The following KCNN2 variants were observed in gnomAD, a reference collection of about 807,000 sequenced individuals.
The protein encoded by KCNN2 is potassium calcium-activated channel subfamily N member 2.
Under a neutral mutation model 55.5 loss-of-function variants are expected in KCNN2, and 24 were observed. The observed-to-expected ratio is 0.43, with a 90% CI of 0.31 to 0.61. KCNN2 has a LOEUF of 0.61. Ranked by LOEUF, KCNN2 falls within the 20% of genes least tolerant of loss-of-function variation. The pLI is 0.08. For synonymous variants in KCNN2, 431 were observed against 336.1 expected (o/e 1.28, Z -3.09); for missense variants, 754 against 853.6 (o/e 0.88, Z 1.45).
intron 3 of KCNN2, among the ~76,000 whole-genome samples, chr5:114,427,012 G>A (rs540484285): frequency 2.0e-5 from 3 of 152,236 alleles, no homozygotes; most frequent in South Asian, 4.2e-4. Flanking sequence ...GTGGAATGGG[G>A]AACTTTTTAA....
At chr5:114,105,768 A>T (rs2112575578) in intron 1 of KCNN2, among the ~76,000 whole-genome samples, 1 of 152,180 alleles carries the variant, frequency 6.6e-6, no homozygotes, top group Admixed American at 6.6e-5. Context: ...ATGAATGTCT[A>T]ATGCTGGACT....
intron 1 of KCNN2, among the ~76,000 whole-genome samples, chr5:114,125,134 G>A (rs957430050): frequency 1.3e-5 from 2 of 152,116 alleles, no homozygotes; most frequent in African/African-American, 2.4e-5. Context: ...TGGAGAAATC[G>A]TGTTATAATA....
intron 3 of KCNN2, among the ~76,000 whole-genome samples, chr5:114,410,365 G>A (rs1561613833): frequency 6.6e-6 from 1 of 152,234 alleles, no homozygotes; most frequent in East Asian, 1.9e-4. Flanking sequence ...AGGTAGAACT[G>A]GATATTGTGG....
At chr5:114,106,344 TTGCTA>T (rs1342852904) in intron 1 of KCNN2, among the ~76,000 whole-genome samples, 1 of 151,968 alleles carries the variant, frequency 6.6e-6, no homozygotes, top group East Asian at 1.9e-4. Context: ...TTTACATTCA[TTGCTA>T]TGGTATATAT....
At chr5:114,176,701 T>G (rs886841778) in intron 1 of KCNN2, among the ~76,000 whole-genome samples, 2 of 152,182 alleles carry the variant, frequency 1.3e-5, no homozygotes, top group Non-Finnish European at 2.9e-5. Context: ...AGGGTACCAG[T>G]AAGATGTTAA....
chr5:114,157,939 C>T (rs1436056173), intron 1 of KCNN2, among the ~76,000 whole-genome samples: 3 of 151,312 alleles, frequency 2.0e-5, no homozygotes, highest in Non-Finnish European at 2.9e-5. Flanking sequence ...AAAATTTTCT[C>T]CCATTCTGTA....
At chr5:114,428,255 A>G (rs1161637878) in intron 3 of KCNN2, among the ~76,000 whole-genome samples, 1 of 152,210 alleles carries the variant, frequency 6.6e-6, no homozygotes, top group Non-Finnish European at 1.5e-5. Context: ...TCTCATTAGA[A>G]TAATGAATGT....
At chr5:114,105,349 C>T (rs1331792356) in intron 1 of KCNN2, among the ~76,000 whole-genome samples, 1 of 150,868 alleles carries the variant, frequency 6.6e-6, no homozygotes, top group Non-Finnish European at 1.5e-5. Context: ...AAGCTAAATG[C>T]AAAAACATTT....
At chr5:114,494,512 A>G (rs1417037458) in intron 7 of KCNN2, among the ~76,000 whole-genome samples, 1 of 151,944 alleles carries the variant, frequency 6.6e-6, no homozygotes, top group African/African-American at 2.4e-5. Flanking sequence ...ATTAACGTGT[A>G]TAAATGTGGC....
intron 1 of KCNN2, among the ~76,000 whole-genome samples, chr5:114,138,101 A>C (rs1161243217): frequency 6.6e-6 from 1 of 152,152 alleles, no homozygotes; most frequent in Non-Finnish European, 1.5e-5. Context: ...TTTTAGACCA[A>C]CCATTGAAAA....
chr5:114,059,112 T>A (rs1474608528), intron 1 of KCNN2, among the ~76,000 whole-genome samples: 4 of 151,852 alleles, frequency 2.6e-5, no homozygotes, highest in African/African-American at 9.7e-5. Context: ...TGAGGAGAAG[T>A]GGATAGATTC....
At chr5:114,467,217 A>G (rs759757153) in intron 4 of KCNN2, among the ~76,000 whole-genome samples, 2 of 152,116 alleles carry the variant, frequency 1.3e-5, no homozygotes, top group Non-Finnish European at 1.5e-5. Context: ...CGAATTAGCT[A>G]GAGCTCATAA....
At chr5:114,386,605 T>A (rs1199902987) in intron 2 of KCNN2, among the ~76,000 whole-genome samples, 1 of 152,222 alleles carries the variant, frequency 6.6e-6, no homozygotes, top group African/African-American at 2.4e-5. Context: ...TAGGTTTGAA[T>A]TTAATGTGAT....
At chr5:114,377,511 A>G (rs1458334981) in intron 2 of KCNN2, among the ~76,000 whole-genome samples, 2 of 152,192 alleles carry the variant, frequency 1.3e-5, no homozygotes, top group East Asian at 3.9e-4. Context: ...AATGAAGGTG[A>G]TAGATGCCAC....
At chr5:114,226,190 T>G (rs1279833829) in intron 2 of KCNN2, among the ~76,000 whole-genome samples, 1 of 152,204 alleles carries the variant, frequency 6.6e-6, no homozygotes, top group Non-Finnish European at 1.5e-5. Flanking sequence ...AAACCTTAGA[T>G]TAAATGTTCT....
intron 2 of KCNN2, among the ~76,000 whole-genome samples, chr5:114,314,072 T>C (rs1471909518): frequency 6.6e-6 from 1 of 152,150 alleles, no homozygotes; most frequent in Non-Finnish European, 1.5e-5. Context: ...TCACTTTTCT[T>C]GTTTCTACAG....
At chr5:114,198,134 A>G (rs1242793361) in intron 1 of KCNN2, among the ~76,000 whole-genome samples, 1 of 151,892 alleles carries the variant, frequency 6.6e-6, no homozygotes, top group Non-Finnish European at 1.5e-5. Context: ...TGTAGGATCT[A>G]TATCTGCCAT....
At chr5:114,267,991 C>T (rs1433294369) in intron 2 of KCNN2, among the ~76,000 whole-genome samples, 3 of 152,126 alleles carry the variant, frequency 2.0e-5, no homozygotes, top group Non-Finnish European at 4.4e-5. Context: ...GGAGCTCCCT[C>T]CCTGGCCGTG....
intron 3 of KCNN2, among the ~76,000 whole-genome samples, chr5:114,436,295 A>C (rs1034621006): frequency 2.6e-5 from 4 of 152,264 alleles, no homozygotes; most frequent in Non-Finnish European, 5.9e-5. Flanking sequence ...TCAGTGTAAC[A>C]GATTTAGGAA....
Sources: allele counts gnomAD v4.1 joint callset (sites outside exome capture counted in the v4.1 genomes callset), GRCh38; gene constraint gnomAD v4.1.1; transcripts MANE v1.5; gene names NCBI Gene and HGNC (gene_info 2026-07-23, HGNC 2026-07-21).